MAPK8IP1: variants seen among roughly 807,000 people sequenced by gnomAD.
MAPK8IP1 encodes mitogen-activated protein kinase 8 interacting protein 1, also known as C-Jun-amino-terminal kinase-interacting protein 1.
MAPK8IP1 carries 17 observed loss-of-function variants against 72.6 expected under a neutral mutation model. The observed-to-expected ratio is 0.23, with a 90% confidence interval of 0.16 to 0.35. The LOEUF (loss-of-function observed/expected upper bound fraction) is 0.35, where lower values mean the gene tolerates loss of function less well. Ranked by LOEUF, MAPK8IP1 falls within the 10% of genes least tolerant of loss-of-function variation. MAPK8IP1 has a pLI of 1.00. For missense variants in MAPK8IP1, 789 were observed against 1,009.7 expected, an observed-to-expected ratio of 0.78 and a Z score of 2.96; for synonymous variants, 401 against 443.4, an observed-to-expected ratio of 0.90 and a Z score of 1.20.
intron 1 of MAPK8IP1, among the ~76,000 whole-genome samples, chr11:45,887,273 T>C (rs2086534529): frequency 6.6e-6 from 1 of 152,180 alleles, no homozygotes; most frequent in African/African-American, 2.4e-5. Flanking sequence ...GTGCCATCTG[T>C]TAAGTGGGCT....
rs2086644058 is a variant in MAPK8IP1 at position 45,900,519 on chromosome 11, G to C, written c.522+67G>C. 1.3e-6 allele frequency: 2 copies of C among 1,504,390 alleles called. No individual in the cohort carries two copies. The highest frequency in any genetic ancestry group is 2.0e-5 in the Admixed American group (1 of 48,868). The allele number at this position is 1,504,390 out of a possible 1,614,324, so 93.2% of individuals were successfully genotyped here. A position where few individuals can be genotyped will look rare whatever the true frequency, so the allele number is the denominator to read the frequency against. On this transcript the variant is annotated intron_variant, in intron 3 of 11. Coordinates refer to ENST00000241014, the MANE Select transcript of MAPK8IP1 (RefSeq NM_005456.4). The surrounding 1 kb of genome is among the most constrained non-coding windows in gnomAD (Gnocchi z 6.5). ...GAGATGTGAGGGGGAGCGCAGAGGG[G>C]CTGCAGCGGGAAGGGGCACCCACGG...
Position 45,885,724 on chromosome 11 carries a change from C to T in MAPK8IP1, c.-97C>T, listed in dbSNP as rs1477311060. On this transcript the variant is annotated 5_prime_UTR_variant, in exon 1 of 12. Transcript: ENST00000241014. The stretch of plus-strand genomic sequence containing the variant: ...GTGCGCCCGCCTAGCCCGAACTCCG[C>T]GGCGGCGGCTGCCCTCTCGCCGCGC... The T allele has an allele frequency of 5.0e-6, 3 of 604,620 alleles. No individual in the cohort carries two copies. The highest frequency in any genetic ancestry group is 7.5e-6 in the Non-Finnish European group (3 of 400,944). The allele number at this position is 604,620 out of a possible 1,614,324, so 37.5% of individuals were successfully genotyped here. A position where few individuals can be genotyped will look rare whatever the true frequency, so the allele number is the denominator to read the frequency against.
In MAPK8IP1 at chr11:45,900,232, G is replaced by A; in HGVS notation, c.302G>A (p.Gly101Glu). ...MLQMDLIDATGDTPGAEDDEE... is the reference protein window; with the variant it reads ...MLQMDLIDATEDTPGAEDDEE... ...CAGATGGACCTGATCGACGCGACGG[G>A]GGACACTCCCGGGGCCGAGGACGAC... The change falls in exon 3 of 12, where the codon GGG becomes GAG. Residue 101 changes from glycine (G) to glutamate (E), a missense_variant. Around this residue, in one of 4 missense-constraint regions of MAPK8IP1, gnomAD observed 112 missense variants for 192.8 expected, o/e 0.58. Coordinates refer to ENST00000241014, the MANE Select transcript of MAPK8IP1 (RefSeq NM_005456.4). The surrounding 1 kb of genome is among the most constrained non-coding windows in gnomAD (Gnocchi z 6.5). The A allele has an allele frequency of 7.5e-7, 1 of 1,332,488 alleles. No homozygotes were observed. The highest frequency in any genetic ancestry group is 1.5e-5 in the African/African-American group (1 of 64,518). 82.5% of individuals were successfully genotyped at this position (1,332,488 alleles called of 1,614,324 possible).
At position 45,903,409 on chromosome 11, in the gene MAPK8IP1, G is replaced by C. The variant is rs921193460; in HGVS notation, c.1462G>C (p.Glu488Gln). The C allele has an allele frequency of 3.1e-6, 5 of 1,613,184 alleles. No individual in the cohort carries two copies. Among genetic ancestry groups the C allele is most frequent in the Non-Finnish European group, 4.2e-6 (5 of 1,180,018 alleles). Residue 488 changes from glutamate to glutamine, a missense_variant, in exon 6 of 12, where the codon GAG becomes CAG. Glu to Gln is a conservative substitution (Grantham distance 29). This residue lies in a region of MAPK8IP1 where 377 missense variants were observed against 411.7 expected (regional missense o/e 0.92). Transcript: ENST00000241014. This position sits in a 1 kb window ranked among gnomAD's most constrained non-coding sequence, Gnocchi z 6.4. ...GTTCTCCTGCATCATCAACGGGGAG[G>C]AGCAGGAGCAGACCCACCGGGCCAT... is the stretch of plus-strand genomic sequence containing the variant. ...GLFSCIINGEEQEQTHRAIFR... is the reference protein window; with the variant it reads ...GLFSCIINGEQQEQTHRAIFR...
chr11:45,896,876 C>G, intron 1 of MAPK8IP1: 1 of 1,553,364 alleles, frequency 6.4e-7, no homozygotes, highest in Non-Finnish European at 8.7e-7. Context: ...GGGCAGGGCT[C>G]TCCATGCAGC....
At chr11:45,895,465 C>G (rs1018560157) in intron 1 of MAPK8IP1, among the ~76,000 whole-genome samples, 32 of 151,836 alleles carry the variant, frequency 2.1e-4, no homozygotes, top group Non-Finnish European at 3.4e-4. Context: ...ACTAAAAATA[C>G]AAAAATTAAC....
In MAPK8IP1 at chr11:45,902,117, A is replaced by G; in HGVS notation, c.604+56A>G. The G allele has an allele frequency of 1.4e-6, 2 of 1,467,284 alleles. No individual in the cohort carries two copies. The highest frequency in any genetic ancestry group is 1.9e-6 in the Non-Finnish European group (2 of 1,046,206). The allele number at this position is 1,467,284 out of a possible 1,614,324, so 90.9% of individuals were successfully genotyped here. ...CTCCGCCTGCCCTGACTCAGTCCCC[A>G]CTACAGAGAGCAAACCCTACAGTCT... On this transcript the variant is annotated intron_variant, in intron 4 of 11. Transcript: ENST00000241014. This position sits in a 1 kb window ranked among gnomAD's most constrained non-coding sequence, Gnocchi z 9.3.
chr11:45,906,316 G>A lies in MAPK8IP1; in HGVS notation c.*595G>A. On this transcript the variant is annotated 3_prime_UTR_variant, in exon 12 of 12. Transcript: ENST00000241014. ...ACTGACCTCACCGGCATGCTGGCCT[G>A]TGGCAGGCCTAGGACCTCAGGCGGG... 1 of 418,058 alleles carries A rather than the reference G, an allele frequency of 2.4e-6. No individual in the cohort carries two copies. Among genetic ancestry groups the A allele is most frequent in the Admixed American group, 4.1e-5 (1 of 24,636 alleles). 25.9% of individuals were successfully genotyped at this position (418,058 alleles called of 1,614,324 possible).
chr11:45,891,564 C>T (rs531106607), intron 1 of MAPK8IP1, among the ~76,000 whole-genome samples: 5 of 152,234 alleles, frequency 3.3e-5, no homozygotes, highest in East Asian at 1.9e-4. Context: ...CAGCAGCAGA[C>T]GGGGAGCCCA....
chr11:45,897,034 G>A (rs577797953), intron 1 of MAPK8IP1: 22 of 1,423,292 alleles, frequency 1.5e-5, no homozygotes, highest in Middle Eastern at 2.2e-4. Context: ...TGAATGAGGC[G>A]AGTGGCAGGG....
At position 45,897,913 on chromosome 11, in the gene MAPK8IP1, G is replaced by A. The variant is rs1455845985; in HGVS notation, c.102-172G>A. 7.2e-5 allele frequency among the ~76,000 whole-genome samples: 11 copies of A among 152,136 alleles called. No homozygotes were observed. The South Asian group carries it at 1.0e-3, about 14-fold the overall frequency. On this transcript the variant is annotated intron_variant, in intron 1 of 11. Coordinates refer to ENST00000241014, the MANE Select transcript of MAPK8IP1 (RefSeq NM_005456.4). ...GACTGCCTTTTGGCACAAGCCCCTC[G>A]CTCTTTCCCTGCCTGCTGACCACCC...
chr11:45,889,457 T>C (rs999964052), intron 1 of MAPK8IP1, among the ~76,000 whole-genome samples: 42 of 152,220 alleles, frequency 2.8e-4, no homozygotes, highest in Non-Finnish European at 5.7e-4. Flanking sequence ...ATGTTCATTA[T>C]AAAGAAAACT....
intron 1 of MAPK8IP1, among the ~76,000 whole-genome samples, chr11:45,893,353 C>A (rs957280515): frequency 6.6e-6 from 1 of 152,058 alleles, no homozygotes; most frequent in African/African-American, 2.4e-5. Flanking sequence ...TGTTCAGGGC[C>A]ATTTAGAAAA....
chr11:45,891,901 G>T (rs2086569602), intron 1 of MAPK8IP1, among the ~76,000 whole-genome samples: 1 of 152,222 alleles, frequency 6.6e-6, no homozygotes, highest in Non-Finnish European at 1.5e-5. Flanking sequence ...TGAACATCCT[G>T]TGTGTAACAG....
In MAPK8IP1 at chr11:45,885,698, G is replaced by A. The variant is rs2086520474; in HGVS notation, c.-123G>A. 3 of 449,882 alleles carry A rather than the reference G, an allele frequency of 6.7e-6. No homozygotes were observed. The allele number at this position is 449,882 out of a possible 1,614,324, so 27.9% of individuals were successfully genotyped here. ...GCTGTGCCGCGCCCTGCCAGACACA[G>A]GTGCGCCCGCCTAGCCCGAACTCCG... On this transcript the variant is annotated 5_prime_UTR_variant, in exon 1 of 12. Transcript: ENST00000241014.
chr11:45,894,567 G>C (rs1029932957), intron 1 of MAPK8IP1, among the ~76,000 whole-genome samples: 2 of 152,190 alleles, frequency 1.3e-5, no homozygotes, highest in Admixed American at 6.5e-5. Flanking sequence ...GATGTTGAGG[G>C]TGTAGAAGTG....
intron 1 of MAPK8IP1, among the ~76,000 whole-genome samples, chr11:45,895,043 A>C (rs779028468): frequency 6.6e-6 from 1 of 152,198 alleles, no homozygotes; most frequent in South Asian, 2.1e-4. Context: ...TGGGTTTGGC[A>C]CTGGGGAGAC....
chr11:45,902,228 G>C lies in MAPK8IP1; in HGVS notation c.605-144G>C, dbSNP rs2086659275. 1 of 967,606 alleles carries C rather than the reference G, an allele frequency of 1.0e-6. No individual in the cohort carries two copies. The highest frequency in any genetic ancestry group is 1.9e-5 in the Admixed American group (1 of 51,658). 59.9% of individuals were successfully genotyped at this position (967,606 alleles called of 1,614,324 possible). A position where few individuals can be genotyped will look rare whatever the true frequency, so the allele number is the denominator to read the frequency against. On this transcript the variant is annotated intron_variant, in intron 4 of 11. Coordinates refer to ENST00000241014, the MANE Select transcript of MAPK8IP1 (RefSeq NM_005456.4). This position sits in a 1 kb window ranked among gnomAD's most constrained non-coding sequence, Gnocchi z 9.3. ...CTGAGATCAGTGGTGGCATGAGTGA[G>C]TTGACTGGCCCCAGAGCCTGCGAAG...
rs2086522805 is a variant in MAPK8IP1 at position 45,885,869 on chromosome 11, C to T, written c.49C>T (p.Pro17Ser). 6.9e-7 allele frequency: 1 copy of T among 1,457,092 alleles called. No homozygotes were observed. Among genetic ancestry groups the T allele is most frequent in the East Asian group, 3.0e-5 (1 of 33,244 alleles). 90.3% of individuals were successfully genotyped at this position (1,457,092 alleles called of 1,614,324 possible). The change falls in exon 1 of 12, where the codon CCC (proline) becomes TCC (serine). Residue 17 changes from proline (P) to serine (S), a missense_variant. Around this residue, in one of 4 missense-constraint regions of MAPK8IP1, gnomAD observed 112 missense variants for 111.8 expected, o/e 1.00. Coordinates refer to ENST00000241014, the MANE Select transcript of MAPK8IP1 (RefSeq NM_005456.4). ...GGLGGGAASP[P>S]AASPFLGLHI... ...CCTGGGAGGGGGGGCCGCGTCCCCG[C>T]CCGCCGCCTCCCCGTTCCTGGGGCT...
Sources: gnomAD v4.1 joint callset for allele counts (sites outside exome capture counted in the v4.1 genomes callset) on GRCh38, gnomAD v4.1.1 for gene constraint, gnomAD v4.1.1 regional missense constraint, Gnocchi (gnomAD v3.1) non-coding constraint, MANE v1.5 for transcripts, NCBI Gene and HGNC (gene_info 2026-07-23, HGNC 2026-07-21) for gene names.